CRKL: variants seen among roughly 807,000 people sequenced by gnomAD.
The protein encoded by CRKL is crk-like protein.
Under a neutral mutation model 23.0 loss-of-function variants are expected in CRKL, and 3 were observed. That is an observed-to-expected ratio of 0.13 (90% CI 0.06 to 0.34). CRKL has a LOEUF of 0.34. Ranked by LOEUF, CRKL falls within the 10% of genes least tolerant of loss-of-function variation. The pLI is 1.00. For synonymous variants in CRKL, 188 were observed against 160.7 expected (o/e 1.17, Z -1.28); for missense variants, 256 against 394.5 (o/e 0.65, Z 2.97).
At chr22:20,947,319 C>T (rs1922101295) in intron 2 of CRKL, among the ~76,000 whole-genome samples, 2 of 151,412 alleles carry the variant, frequency 1.3e-5, no homozygotes, top group Non-Finnish European at 2.9e-5. Context: ...TCAAGTGATC[C>T]TCCCACCTTG....
intron 2 of CRKL, among the ~76,000 whole-genome samples, chr22:20,947,174 T>C (rs889129832): frequency 2.6e-5 from 4 of 152,064 alleles, no homozygotes; most frequent in Non-Finnish European, 4.4e-5. Flanking sequence ...AATCCTGTGC[T>C]CTGCAGCATT....
chr22:20,948,603 G>A (rs1482311223), intron 2 of CRKL, among the ~76,000 whole-genome samples: 2 of 152,182 alleles, frequency 1.3e-5, no homozygotes, highest in Non-Finnish European at 2.9e-5. Flanking sequence ...CAGGACATTT[G>A]TTTGGTGTCC....
intron 2 of CRKL, among the ~76,000 whole-genome samples, chr22:20,943,060 T>C (rs1921934563): frequency 6.6e-6 from 1 of 152,198 alleles, no homozygotes; most frequent in African/African-American, 2.4e-5. Context: ...CCATATTTTT[T>C]ATTATAGCCA....
intron 1 of CRKL, among the ~76,000 whole-genome samples, chr22:20,930,983 A>G (rs977524802): frequency 1.3e-5 from 2 of 152,064 alleles, no homozygotes; most frequent in African/African-American, 4.8e-5. Context: ...CACACTGGCT[A>G]ACTGCTTTTA....
chr22:20,949,161 G>A (rs1057054516), intron 2 of CRKL, among the ~76,000 whole-genome samples: 3 of 151,908 alleles, frequency 2.0e-5, no homozygotes, highest in Non-Finnish European at 1.5e-5. Context: ...GGTCTCACTC[G>A]GTTGCCCAGT....
intron 1 of CRKL, among the ~76,000 whole-genome samples, chr22:20,931,536 C>T (rs1921453106): frequency 6.6e-6 from 1 of 152,206 alleles, no homozygotes; most frequent in South Asian, 2.1e-4. Flanking sequence ...CATTAATTCT[C>T]ATACACCTGA....
chr22:20,920,252 C>T (rs1453466738), intron 1 of CRKL, among the ~76,000 whole-genome samples: 2 of 152,118 alleles, frequency 1.3e-5, no homozygotes, highest in African/African-American at 2.4e-5. Flanking sequence ...CCAGTAATCC[C>T]AGCACTTTGG....
intron 1 of CRKL, among the ~76,000 whole-genome samples, chr22:20,929,557 G>A (rs1241203411): frequency 6.6e-6 from 1 of 151,934 alleles, no homozygotes; most frequent in African/African-American, 2.4e-5. Flanking sequence ...TCCGCCTCCC[G>A]GGTTCAAGCA....
Position 20,917,486 on chromosome 22 carries a change from G to A in CRKL, c.-449G>A, listed in dbSNP as rs1040367271. Reference sequence around the variant, plus strand: ...GCCATTTTGTTGCTGTGGCTATTGGGAACAAGCTGGGCAAAAGCACCCCGG... The same window carrying A: ...GCCATTTTGTTGCTGTGGCTATTGGAAACAAGCTGGGCAAAAGCACCCCGG... On this transcript the variant is annotated 5_prime_UTR_variant, in exon 1 of 3. Coordinates refer to ENST00000354336, the MANE Select transcript of CRKL (RefSeq NM_005207.4). The A allele has an allele frequency of 4.1e-6, 1 of 241,074 alleles. No homozygotes were observed. Among genetic ancestry groups the A allele is most frequent in the Non-Finnish European group, 8.1e-6 (1 of 123,666 alleles). 14.9% of individuals were successfully genotyped at this position (241,074 alleles called of 1,614,324 possible).
intron 2 of CRKL, among the ~76,000 whole-genome samples, chr22:20,945,321 C>G (rs1922020122): frequency 6.6e-6 from 1 of 152,112 alleles, no homozygotes; most frequent in African/African-American, 2.4e-5. Flanking sequence ...TATTCATTAC[C>G]AATATATAAG....
At position 20,917,784 on chromosome 22, in the gene CRKL, G is replaced by A. The variant is rs1188166499; in HGVS notation, c.-151G>A. ...CGGAGGATGCTGCGGGCCCGGAGCC[G>A]AGAGGAAAGTGCTGGCCCAGCCCTC... On this transcript the variant is annotated 5_prime_UTR_variant, in exon 1 of 3. Transcript: ENST00000354336. The A allele has an allele frequency of 2.7e-6, 2 of 746,066 alleles. No individual in the cohort carries two copies. Among genetic ancestry groups the A allele is most frequent in the Admixed American group, 3.0e-5 (1 of 33,172 alleles). The allele number at this position is 746,066 out of a possible 1,614,324, so 46.2% of individuals were successfully genotyped here.
intron 1 of CRKL, among the ~76,000 whole-genome samples, chr22:20,927,512 C>CTG (rs76277528): frequency 1.9e-4 from 10 of 53,820 alleles, no homozygotes; most frequent in African/African-American, 4.8e-4. Context: ...AAGTTTTCTA[C>CTG]CTTTTTTTTT....
At chr22:20,923,869 C>T (rs372343998) in intron 1 of CRKL, among the ~76,000 whole-genome samples, 25 of 151,142 alleles carry the variant, frequency 1.7e-4, no homozygotes, top group African/African-American at 5.6e-4. Flanking sequence ...TAAGTCACCG[C>T]GCCTGGCTAC....
At chr22:20,939,341 C>G (rs185242091) in intron 2 of CRKL, among the ~76,000 whole-genome samples, 1 of 150,396 alleles carries the variant, frequency 6.6e-6, no homozygotes, top group Non-Finnish European at 1.5e-5. Context: ...CCCGGGTTCA[C>G]GCCATTCTCC....
In CRKL at chr22:20,935,110, G is replaced by A. The variant is rs60212965; in HGVS notation, c.777+866G>A. On this transcript the variant is annotated intron_variant, in intron 2 of 2. Transcript: ENST00000354336. Reference sequence around the variant, plus strand: ...ATTACAGGTGTGAGCCACCGTGCCCGGCCCAGGAATGATTTTTTTTGAGAT... The same window carrying A: ...ATTACAGGTGTGAGCCACCGTGCCCAGCCCAGGAATGATTTTTTTTGAGAT... 5.5e-4 allele frequency among the ~76,000 whole-genome samples: 82 copies of A among 150,384 alleles called. 1 individual carries two copies. The highest frequency in any genetic ancestry group is 2.0e-3 in the African/African-American group (80 of 40,894).
In CRKL at chr22:20,926,716, A is replaced by G. The variant is rs188658018; in HGVS notation, c.312-7063A>G. Among the ~76,000 whole-genome samples the G allele has an allele frequency of 4.0e-3, 605 of 152,180 alleles. 3 individuals carry two copies. Among genetic ancestry groups the G allele is most frequent in the Admixed American group, 7.2e-3 (110 of 15,264 alleles). ...AGAGAAAGAGAAGCTGCGGAAGGAG[A>G]GGCAGCCACAAGCATAGGAGGAGGA... On this transcript the variant is annotated intron_variant, in intron 1 of 2. Transcript: ENST00000354336.
intron 1 of CRKL, among the ~76,000 whole-genome samples, chr22:20,926,073 C>A (rs987504243): frequency 1.3e-5 from 2 of 152,098 alleles, no homozygotes; most frequent in Admixed American, 6.6e-5. Context: ...TCAACTGATT[C>A]TTTAAGGATG....
Position 20,917,676 on chromosome 22 carries a change from T to TTGCCTGCCCCGACCCCCCGGCTC in CRKL, c.-254_-232dup. The stretch of plus-strand genomic sequence containing the variant: ...GGGTGGCCTCCGCTGCGGCTCGGGT[T>TTGCCTGCCCCGACCCCCCGGCTC]TGCCTGCCCCGACCCCCCGGCTCTG... On this transcript the variant is annotated 5_prime_UTR_variant, in exon 1 of 3. Transcript: ENST00000354336. The TTGCCTGCCCCGACCCCCCGGCTC allele has an allele frequency of 2.0e-6, 1 of 502,268 alleles. No individual in the cohort carries two copies. Among genetic ancestry groups the TTGCCTGCCCCGACCCCCCGGCTC allele is most frequent in the Non-Finnish European group, 3.5e-6 (1 of 286,246 alleles). 31.1% of individuals were successfully genotyped at this position (502,268 alleles called of 1,614,324 possible). A position where few individuals can be genotyped will look rare whatever the true frequency, so the allele number is the denominator to read the frequency against.
intron 1 of CRKL, among the ~76,000 whole-genome samples, chr22:20,932,700 A>G (rs9917575): frequency 0.061 from 9,285 of 152,254 alleles, 928 homozygotes; most frequent in African/African-American, 0.21. Flanking sequence ...ATTTGAAAAG[A>G]CATTCAGAAT....
Sources: allele counts gnomAD v4.1 joint callset (sites outside exome capture counted in the v4.1 genomes callset), GRCh38; gene constraint gnomAD v4.1.1; transcripts MANE v1.5; gene names NCBI Gene and HGNC (gene_info 2026-07-23, HGNC 2026-07-21).